TSPEAR: variants seen among roughly 807,000 people sequenced by gnomAD.
TSPEAR encodes thrombospondin type laminin G domain and EAR repeats.
A neutral mutation model predicts 71.6 loss-of-function variants in TSPEAR; 69 were observed. The ratio of observed to expected loss-of-function variants is 0.96; its 90% CI spans 0.79 to 1.18. The LOEUF (loss-of-function observed/expected upper bound fraction) is 1.18, where lower values mean the gene tolerates loss of function less well. Ranked by LOEUF, TSPEAR falls within the 50% of genes most tolerant of loss-of-function variation. The pLI, the probability that TSPEAR is intolerant of heterozygous loss-of-function variation, is 0.00. For synonymous variants in TSPEAR, 402 were observed against 387.2 expected, an observed-to-expected ratio of 1.04 and a Z score of -0.45; for missense variants, 971 against 894.9, an observed-to-expected ratio of 1.09 and a Z score of -1.09.
intron 1 of TSPEAR, among the ~76,000 whole-genome samples, chr21:44,662,249 C>G (rs1555943826): frequency 6.6e-6 from 1 of 152,002 alleles, no homozygotes; most frequent in Non-Finnish European, 1.5e-5. Flanking sequence ...TACCAGAAGA[C>G]TCACATTAAA....
Position 44,698,772 on chromosome 21 carries a change from G to A in TSPEAR, c.82+12661C>T, listed in dbSNP as rs139615985. On this transcript the variant is annotated intron_variant, in intron 1 of 11. Coordinates refer to ENST00000323084, the MANE Select transcript of TSPEAR (RefSeq NM_144991.3). Reference sequence around the variant, plus strand: ...CTCCCACCTCTCCAGATCCAGAAGCGGTCCACTTCCTTCTACTGCCCCTAC... The same window carrying A: ...CTCCCACCTCTCCAGATCCAGAAGCAGTCCACTTCCTTCTACTGCCCCTAC... Among the ~76,000 whole-genome samples the A allele has an allele frequency of 4.8e-3, 726 of 152,316 alleles. 3 individuals carry two copies. The highest frequency in any genetic ancestry group is 0.014 in the Middle Eastern group (4 of 294).
intron 2 of TSPEAR, among the ~76,000 whole-genome samples, chr21:44,549,972 C>T (rs1273863564): frequency 6.6e-6 from 1 of 152,214 alleles, no homozygotes; most frequent in East Asian, 1.9e-4. Context: ...ACTCCCTGAG[C>T]GCAGGGACAG....
chr21:44,676,493 C>T (rs372793327), intron 1 of TSPEAR: 10 of 840,086 alleles, frequency 1.2e-5, no homozygotes, highest in Middle Eastern at 3.1e-4. Flanking sequence ...ACAGCGTGTT[C>T]GATTCCTCTG....
At chr21:44,570,677 C>T (rs1555922401) in intron 1 of TSPEAR, among the ~76,000 whole-genome samples, 1 of 152,100 alleles carries the variant, frequency 6.6e-6, no homozygotes, top group Non-Finnish European at 1.5e-5. Context: ...ATGGAACCCA[C>T]AGCAAGCAAA....
Position 44,698,032 on chromosome 21 carries a change from C to A in TSPEAR, c.82+13401G>T, listed in dbSNP as rs1051263611. ...GTCCCCCACCTCTCCCACTACTGGC[C>A]CCTCGGCTGCTCTGGTGTCTGTCTC... On this transcript the variant is annotated intron_variant, in intron 1 of 11. Coordinates refer to ENST00000323084, the MANE Select transcript of TSPEAR (RefSeq NM_144991.3). 5.4e-5 allele frequency: 78 copies of A among 1,451,916 alleles called. No homozygotes were observed. In the African/African-American group the frequency reaches 1.0e-3, roughly 19 times the overall value. The allele number at this position is 1,451,916 out of a possible 1,614,324, so 89.9% of individuals were successfully genotyped here.
At chr21:44,574,942 C>A in intron 1 of TSPEAR, 1 of 1,605,826 alleles carries the variant, frequency 6.2e-7, no homozygotes, top group Non-Finnish European at 8.5e-7. Context: ...TGCCGCCCAG[C>A]CTCCTGCGTG....
chr21:44,676,919 C>A, intron 1 of TSPEAR: 2 of 881,884 alleles, frequency 2.3e-6, no homozygotes, highest in East Asian at 4.8e-5. Flanking sequence ...TGACGATGTG[C>A]ACGGGCAATC....
intron 1 of TSPEAR, among the ~76,000 whole-genome samples, chr21:44,709,363 A>G (rs1988099256): frequency 6.6e-6 from 1 of 152,334 alleles, no homozygotes; most frequent in East Asian, 1.9e-4. Context: ...GTGGTGTAAA[A>G]ACACAGGCTT....
chr21:44,651,931 T>C (rs9980554), intron 1 of TSPEAR, among the ~76,000 whole-genome samples: 26,417 of 151,832 alleles, frequency 0.17, 2,384 homozygotes, highest in Non-Finnish European at 0.2. Flanking sequence ...GAGGCCTATA[T>C]AGCCCAGGAG....
In TSPEAR at chr21:44,699,435, C is replaced by T. The variant is rs77918554; in HGVS notation, c.82+11998G>A. 9.5e-3 allele frequency among the ~76,000 whole-genome samples: 1,434 copies of T among 151,720 alleles called. 30 individuals are homozygous for T. The highest frequency in any genetic ancestry group is 0.033 in the African/African-American group (1,366 of 41,318). On this transcript the variant is annotated intron_variant, in intron 1 of 11. Coordinates refer to ENST00000323084, the MANE Select transcript of TSPEAR (RefSeq NM_144991.3). ...AGAAAAGGGGTGCAGCCGAAGGCCC[C>T]TCCCTCCTGACTGCAGCCTCTGACT...
At chr21:44,550,058 C>T (rs1157420486) in intron 2 of TSPEAR, among the ~76,000 whole-genome samples, 1 of 152,268 alleles carries the variant, frequency 6.6e-6, no homozygotes, top group Non-Finnish European at 1.5e-5. Flanking sequence ...CAGCCCCAAC[C>T]CTTGCCATGG....
chr21:44,682,912 A>G (rs1269867056), intron 1 of TSPEAR, among the ~76,000 whole-genome samples: 1 of 152,116 alleles, frequency 6.6e-6, no homozygotes, highest in Non-Finnish European at 1.5e-5. Flanking sequence ...CAGGCCCCAC[A>G]CTGTGGAAGC....
At chr21:44,708,067 A>G (rs1988031022) in intron 1 of TSPEAR, among the ~76,000 whole-genome samples, 1 of 145,054 alleles carries the variant, frequency 6.9e-6, no homozygotes, top group South Asian at 2.2e-4. Flanking sequence ...GAGGCGACAG[A>G]GATATGAGAG....
In TSPEAR at chr21:44,504,732, G is replaced by A. The variant is rs782206739; in HGVS notation, c.1856+48C>T. The A allele has an allele frequency of 1.5e-5, 20 of 1,362,948 alleles. No individual in the cohort carries two copies. The Admixed American group carries it at 2.5e-4, about 17-fold the overall frequency. The allele number at this position is 1,362,948 out of a possible 1,614,324, so 84.4% of individuals were successfully genotyped here. ...GGAGGCCGGCCTCGGTGAGCCCACA[G>A]TGGGGAAGCAAGGCTCTGGGAGGAG... is the stretch of plus-strand genomic sequence containing the variant. On this transcript the variant is annotated intron_variant, in intron 11 of 11. Transcript: ENST00000323084.
chr21:44,666,027 C>A (rs587737338), intron 1 of TSPEAR, among the ~76,000 whole-genome samples: 1 of 152,216 alleles, frequency 6.6e-6, no homozygotes, highest in Admixed American at 6.5e-5. Flanking sequence ...TGGGAGAGAC[C>A]ACATGGGCAT....
chr21:44,513,405 G>GACTC (rs1355821245), intron 9 of TSPEAR, among the ~76,000 whole-genome samples: 38 of 152,350 alleles, frequency 2.5e-4, no homozygotes, highest in African/African-American at 9.1e-4. Context: ...GCACATTAGG[G>GACTC]ACTCATAGAG....
At chr21:44,532,856 A>G (rs2053000506) in intron 3 of TSPEAR, among the ~76,000 whole-genome samples, 1 of 152,198 alleles carries the variant, frequency 6.6e-6, no homozygotes, top group African/African-American at 2.4e-5. Flanking sequence ...CCAAGGCTAC[A>G]AAGGATAATC....
chr21:44,689,502 G>A (rs2876986), intron 1 of TSPEAR, among the ~76,000 whole-genome samples: 71,071 of 144,448 alleles, frequency 0.49, 17,437 homozygotes, highest in Middle Eastern at 0.57. Context: ...ACTCCATCTC[G>A]AATAAAAAAA....
chr21:44,574,619 G>A (rs369383038), intron 1 of TSPEAR: 5 of 1,295,816 alleles, frequency 3.9e-6, no homozygotes, highest in African/African-American at 1.5e-5. Context: ...TCTGCTCTGT[G>A]CCCATCTGCT....
Sources: allele counts gnomAD v4.1 joint callset (sites outside exome capture counted in the v4.1 genomes callset), GRCh38; gene constraint gnomAD v4.1.1; transcripts MANE v1.5; gene names NCBI Gene and HGNC (gene_info 2026-07-23, HGNC 2026-07-21).